The following MEF2C variants were observed in gnomAD, a reference collection of about 807,000 sequenced individuals.
The protein encoded by MEF2C is myocyte enhancer factor 2C.
MEF2C carries 6 observed loss-of-function variants against 50.5 expected under a neutral mutation model. The ratio of observed to expected loss-of-function variants is 0.12; its 90% confidence interval spans 0.07 to 0.23. The LOEUF is 0.23. MEF2C is among the 10% of genes least tolerant of loss of function. The pLI, the probability that MEF2C is intolerant of heterozygous loss-of-function variation, is 1.00. For missense variants in MEF2C, 276 were observed against 605.0 expected, an observed-to-expected ratio of 0.46 and a Z score of 5.70; for synonymous variants, 183 against 228.0, an observed-to-expected ratio of 0.80 and a Z score of 1.78.
chr5:88,753,658 T>C (rs929007975), intron 4 of MEF2C, among the ~76,000 whole-genome samples: 1 of 152,220 alleles, frequency 6.6e-6, no homozygotes, highest in African/African-American at 2.4e-5. Context: ...CCCAAAGTAC[T>C]GGGATTATAG....
intron 1 of MEF2C, chr5:88,888,368 A>G (rs1465472018): frequency 6.6e-6 from 1 of 152,240 alleles, no homozygotes; most frequent in Non-Finnish European, 1.5e-5. Context: ...TCCCATTTGT[A>G]ATAGCAGGAG....
At chr5:88,744,789 T>C (rs1010270862) in intron 6 of MEF2C, among the ~76,000 whole-genome samples, 1 of 152,216 alleles carries the variant, frequency 6.6e-6, no homozygotes, top group Non-Finnish European at 1.5e-5. Flanking sequence ...TCTTTGAAAG[T>C]ATTTCAAGTT....
chr5:88,725,244 C>A (rs1223486223), intron 10 of MEF2C, among the ~76,000 whole-genome samples: 1 of 151,974 alleles, frequency 6.6e-6, no homozygotes, highest in Non-Finnish European at 1.5e-5. Flanking sequence ...TTAAATTTAT[C>A]TTTTGGTGGA....
At chr5:88,870,028 A>G (rs765379384) in intron 1 of MEF2C, among the ~76,000 whole-genome samples, 9 of 151,638 alleles carry the variant, frequency 5.9e-5, no homozygotes, top group Non-Finnish European at 1.3e-4. Flanking sequence ...TTTTTAAACA[A>G]TGCTTTGACT....
At chr5:88,759,147 T>G (rs778577752) in intron 4 of MEF2C, among the ~76,000 whole-genome samples, 3 of 152,214 alleles carry the variant, frequency 2.0e-5, no homozygotes, top group Non-Finnish European at 2.9e-5. Context: ...TCCACACCAA[T>G]GTATTATATA....
At chr5:88,787,251 A>G (rs969663910) in intron 3 of MEF2C, among the ~76,000 whole-genome samples, 2 of 152,248 alleles carry the variant, frequency 1.3e-5, no homozygotes, top group South Asian at 4.1e-4. Context: ...TTATTAGCAT[A>G]AACTATGCAG....
At chr5:88,763,276 T>C (rs978501124) in intron 3 of MEF2C, among the ~76,000 whole-genome samples, 4 of 152,238 alleles carry the variant, frequency 2.6e-5, no homozygotes, top group African/African-American at 9.6e-5. Context: ...TCCCCTTATC[T>C]TGGATCTACA....
intron 6 of MEF2C, chr5:88,738,842 G>A: frequency 1.0e-6 from 1 of 985,132 alleles, no homozygotes; most frequent in Non-Finnish European, 1.2e-6. Flanking sequence ...GGCACAGAAT[G>A]GTGATGTTCA....
intron 6 of MEF2C, chr5:88,740,488 T>A (rs914326821): frequency 1.0e-6 from 1 of 983,330 alleles, no homozygotes; most frequent in African/African-American, 1.7e-5. Context: ...TTTTGACAGA[T>A]GAGGAAACTG....
intron 1 of MEF2C, among the ~76,000 whole-genome samples, chr5:88,827,914 TA>T (rs5869444): frequency 3.7e-3 from 525 of 141,902 alleles, no homozygotes; most frequent in Non-Finnish European, 3.9e-3. Context: ...GCTCCCACAT[TA>T]AAAAAAAAAA....
Position 88,815,389 on chromosome 5 carries a change from TC to T in MEF2C, c.54+8345del, listed in dbSNP as rs370153802. Among the ~76,000 whole-genome samples, 32 of 152,194 alleles carry T rather than the reference TC, an allele frequency of 2.1e-4. No homozygotes were observed. The South Asian group carries it at 6.4e-3, about 31-fold the overall frequency. ...AATCCTTGCAAGACAGAAGGCTGTC[TC>T]CCTTATAGTTTCCAAACAGTTACAT... On this transcript the variant is annotated intron_variant, in intron 2 of 10. Coordinates refer to ENST00000504921, the MANE Select transcript of MEF2C (RefSeq NM_002397.5).
chr5:88,856,219 T>A (rs888552009), intron 1 of MEF2C, among the ~76,000 whole-genome samples: 1 of 152,166 alleles, frequency 6.6e-6, no homozygotes, highest in South Asian at 2.1e-4. Flanking sequence ...TTGAGAGAGA[T>A]GATTTAGGTT....
At chr5:88,777,305 C>G (rs1357503390) in intron 3 of MEF2C, among the ~76,000 whole-genome samples, 2 of 152,094 alleles carry the variant, frequency 1.3e-5, no homozygotes, top group African/African-American at 2.4e-5. Context: ...TAACACCTAC[C>G]ATTTACCAAG....
intron 1 of MEF2C, among the ~76,000 whole-genome samples, chr5:88,855,886 G>A (rs950217480): frequency 1.3e-5 from 2 of 152,138 alleles, no homozygotes; most frequent in Non-Finnish European, 2.9e-5. Context: ...AAGTAAATTG[G>A]TACTGCAGAG....
chr5:88,737,191 T>C, intron 6 of MEF2C: 1 of 985,250 alleles, frequency 1.0e-6, no homozygotes. Context: ...ACATCAAGGG[T>C]CTCTTCTCTT....
rs564542338 is a variant in MEF2C at position 88,846,700 on chromosome 5, G to C, written c.-142-22770C>G. Among the ~76,000 whole-genome samples the C allele has an allele frequency of 3.9e-5, 6 of 152,222 alleles. No homozygotes were observed. In the South Asian group the frequency reaches 1.2e-3, roughly 32 times the overall value. On this transcript the variant is annotated intron_variant, in intron 1 of 10. Coordinates refer to ENST00000504921, the MANE Select transcript of MEF2C (RefSeq NM_002397.5). ...TATGTCAGTCACATGAGTTGGAGCTGCCTTCTTCTTTTTTCTACTGCATAA... is the reference window on the plus strand; with the variant it reads ...TATGTCAGTCACATGAGTTGGAGCTCCCTTCTTCTTTTTTCTACTGCATAA...
intron 6 of MEF2C, chr5:88,733,325 G>A: frequency 3.0e-6 from 3 of 985,374 alleles, no homozygotes; most frequent in Non-Finnish European, 3.6e-6. Flanking sequence ...AGAGAGGGGT[G>A]TCAGAGGCTC....
upstream of MEF2C, among the ~76,000 whole-genome samples, chr5:88,885,198 G>A (rs574066407): frequency 6.6e-6 from 1 of 152,274 alleles, no homozygotes; most frequent in African/African-American, 2.4e-5. Flanking sequence ...TAATATATGA[G>A]GACAGTATGG....
chr5:88,734,576 T>TTTTTTTTTTTTTC (rs1763234909), intron 6 of MEF2C: 1 of 854,740 alleles, frequency 1.2e-6, no homozygotes, highest in Non-Finnish European at 1.4e-6. Context: ...TTTTTTTTTT[T>TTTTTTTTTTTTTC]TTTTTTTTTT....
Sources: gnomAD v4.1 joint callset for allele counts (sites outside exome capture counted in the v4.1 genomes callset) on GRCh38, gnomAD v4.1.1 for gene constraint, MANE v1.5 for transcripts, NCBI Gene and HGNC (gene_info 2026-07-23, HGNC 2026-07-21) for gene names.